Variants in C14orf132 observed in about 807,000 individuals in gnomAD.
C14orf132 encodes uncharacterized protein C14orf132.
In C14orf132, 6 loss-of-function variants were observed where a neutral mutation model predicts 5.8. That is an observed-to-expected ratio of 1.03 (90% CI 0.57 to 2.04). The LOEUF is 2.04. C14orf132 is among the 30% of genes most tolerant of loss of function. The probability of loss-of-function intolerance (pLI) is 0.00; values close to 1 mark genes in which losing one functional copy is unlikely to be tolerated. For missense variants in C14orf132, 125 were observed against 115.8 expected (o/e 1.08, Z -0.37); for synonymous variants, 51 against 49.8 (o/e 1.02, Z -0.10).
rs578048573 is a variant in C14orf132 at position 96,075,383 on chromosome 14, A to G, written c.28-11128A>G. ...TTTATGTCTTCTTTATATATAAGGC[A>G]TCTCTATATATATATGACTTTTATT... On this transcript the variant is annotated intron_variant, in intron 1 of 1. Transcript: ENST00000555004. Among the ~76,000 whole-genome samples, 8 of 152,276 alleles carry G rather than the reference A, an allele frequency of 5.3e-5. No homozygotes were observed. In the East Asian group the frequency reaches 1.2e-3, roughly 22 times the overall value.
intron 1 of C14orf132, among the ~76,000 whole-genome samples, chr14:96,058,390 C>T (rs796629187): frequency 1.3e-5 from 2 of 152,216 alleles, no homozygotes; most frequent in African/African-American, 4.8e-5. Context: ...TCACCTCCCC[C>T]TTCTTTTAAG....
At chr14:96,058,389 C>A (rs1887242788) in intron 1 of C14orf132, among the ~76,000 whole-genome samples, 1 of 152,104 alleles carries the variant, frequency 6.6e-6, no homozygotes, top group Non-Finnish European at 1.5e-5. Flanking sequence ...CTCACCTCCC[C>A]CTTCTTTTAA....
At chr14:96,047,397 T>G (rs2042659279) in intron 1 of C14orf132, among the ~76,000 whole-genome samples, 1 of 152,214 alleles carries the variant, frequency 6.6e-6, no homozygotes, top group South Asian at 2.1e-4. Context: ...TAGGGAGCAC[T>G]TGCTGTGTGC....
chr14:96,074,013 A>C (rs1887788314), intron 1 of C14orf132, among the ~76,000 whole-genome samples: 1 of 152,206 alleles, frequency 6.6e-6, no homozygotes, highest in Non-Finnish European at 1.5e-5. Flanking sequence ...CATGGGGGAC[A>C]CTGGGGCCTG....
intron 1 of C14orf132, among the ~76,000 whole-genome samples, chr14:96,055,901 A>G (rs1233696957): frequency 1.3e-5 from 2 of 152,158 alleles, no homozygotes; most frequent in Non-Finnish European, 2.9e-5. Flanking sequence ...CTGGTGTTGC[A>G]AGGCTTGGAG....
chr14:96,047,228 G>A (rs1042223153), intron 1 of C14orf132, among the ~76,000 whole-genome samples: 4 of 152,212 alleles, frequency 2.6e-5, no homozygotes, highest in African/African-American at 9.7e-5. Context: ...GGTGTAATGA[G>A]CAGTTCAAGA....
intron 1 of C14orf132, among the ~76,000 whole-genome samples, chr14:96,068,684 C>A (rs186171840): frequency 2.8e-4 from 43 of 152,284 alleles, no homozygotes; most frequent in African/African-American, 9.9e-4. Flanking sequence ...AGCCGATGCA[C>A]CTGGCTTCTG....
At chr14:96,064,039 G>T (rs1309713851) in intron 1 of C14orf132, among the ~76,000 whole-genome samples, 2 of 152,048 alleles carry the variant, frequency 1.3e-5, no homozygotes, top group African/African-American at 2.4e-5. Context: ...CCTTATTCCT[G>T]CAAGAATGGC....
chr14:96,049,562 GTATATATACATATATACGTA>G lies in C14orf132; in HGVS notation c.27+10104_27+10123del, dbSNP rs1453856566. 3.5e-4 allele frequency among the ~76,000 whole-genome samples: 33 copies of G among 94,498 alleles called. 1 individual carries two copies. Among genetic ancestry groups the G allele is most frequent in the Middle Eastern group, 6.8e-3 (1 of 146 alleles). 62.0% of individuals were successfully genotyped at this position (94,498 alleles called of 152,430 possible). A position where few individuals can be genotyped will look rare whatever the true frequency, so the allele number is the denominator to read the frequency against. The stretch of plus-strand genomic sequence containing the variant: ...CATACGTATATATATACATATATAC[GTATATATACATATATACGTA>G]TATATATACATATATACGTATATAT... On this transcript the variant is annotated intron_variant, in intron 1 of 1. Transcript: ENST00000555004.
Position 96,085,949 on chromosome 14 carries a change from CTCTG to C in C14orf132, c.28-558_28-555del, listed in dbSNP as rs150840764. Among the ~76,000 whole-genome samples the C allele has an allele frequency of 0.013, 1,933 of 150,860 alleles. 244 individuals carry two copies. The East Asian group carries it at 0.3, about 23-fold the overall frequency. On this transcript the variant is annotated intron_variant, in intron 1 of 1. Coordinates refer to ENST00000555004, the MANE Select transcript of C14orf132 (RefSeq NM_001252507.3). ...ACGTTTAAATGTGTTTTCTCTCTGT[CTCTG>C]TCTCTCTCTCTCACTCTGTCTCTCT...
At chr14:96,073,107 G>A (rs770431490) in intron 1 of C14orf132, among the ~76,000 whole-genome samples, 1 of 152,006 alleles carries the variant, frequency 6.6e-6, no homozygotes, top group Non-Finnish European at 1.5e-5. Context: ...AGGTACAAGA[G>A]TTCTGGTTGC....
chr14:96,071,114 A>G (rs1308772668), intron 1 of C14orf132, among the ~76,000 whole-genome samples: 3 of 152,208 alleles, frequency 2.0e-5, no homozygotes, highest in African/African-American at 4.8e-5. Flanking sequence ...ACAGTTCCAC[A>G]TGGCTGGGGA....
In C14orf132 at chr14:96,039,606, G is replaced by A. The variant is rs1886628384; in HGVS notation, c.27+79G>A. ...GGGCCACGGTCTCGCCCTCCACGCT[G>A]GGGCTGGGCAGTGGCGCCCGCCCGC... On this transcript the variant is annotated intron_variant, in intron 1 of 1. Coordinates refer to ENST00000555004, the MANE Select transcript of C14orf132 (RefSeq NM_001252507.3). This position sits in a 1 kb window ranked among gnomAD's most constrained non-coding sequence, Gnocchi z 5.3. The A allele has an allele frequency of 2.9e-6, 4 of 1,369,688 alleles. No homozygotes were observed. Among genetic ancestry groups the A allele is most frequent in the African/African-American group, 3.0e-5 (2 of 66,694 alleles). 84.8% of individuals were successfully genotyped at this position (1,369,688 alleles called of 1,614,324 possible).
At chr14:96,051,185 C>T (rs1887016158) in intron 1 of C14orf132, 2 of 398,574 alleles carry the variant, frequency 5.0e-6, no homozygotes. Flanking sequence ...CAGCCTAACT[C>T]CTTTCCAGTC....
chr14:96,069,154 A>G (rs1430394897), intron 1 of C14orf132, among the ~76,000 whole-genome samples: 1 of 113,014 alleles, frequency 8.8e-6, no homozygotes, highest in African/African-American at 3.3e-5. Context: ...CCACTTCCTC[A>G]TAATAAATCT....
intron 1 of C14orf132, among the ~76,000 whole-genome samples, chr14:96,067,238 G>T (rs1380198726): frequency 6.6e-6 from 1 of 152,186 alleles, no homozygotes; most frequent in East Asian, 1.9e-4. Flanking sequence ...CAGCAAGGTG[G>T]CCGCGTGAGC....
At chr14:96,048,999 A>G (rs899367884) in intron 1 of C14orf132, among the ~76,000 whole-genome samples, 1 of 152,220 alleles carries the variant, frequency 6.6e-6, no homozygotes, top group South Asian at 2.1e-4. Context: ...ATCTCAGCTC[A>G]CTGCAACCTC....
At chr14:96,065,299 G>A (rs982797511) in intron 1 of C14orf132, among the ~76,000 whole-genome samples, 5 of 152,128 alleles carry the variant, frequency 3.3e-5, no homozygotes, top group Admixed American at 3.3e-4. Context: ...ACGTCCTCCT[G>A]GAGATTCCGA....
intron 1 of C14orf132, among the ~76,000 whole-genome samples, chr14:96,074,671 G>A (rs1286601127): frequency 6.6e-6 from 1 of 151,276 alleles, no homozygotes; most frequent in Admixed American, 6.6e-5. Context: ...AGCATCATTT[G>A]TTGAAAAGAC....
Sources: gnomAD v4.1 joint callset for allele counts (sites outside exome capture counted in the v4.1 genomes callset) on GRCh38, gnomAD v4.1.1 for gene constraint, Gnocchi (gnomAD v3.1) non-coding constraint, MANE v1.5 for transcripts, NCBI Gene and HGNC (gene_info 2026-07-23, HGNC 2026-07-21) for gene names.